The following ARB2A variants were observed in gnomAD, a reference collection of about 807,000 sequenced individuals.
ARB2A encodes cotranscriptional regulator ARB2A.
the ARB2A span, among the ~76,000 whole-genome samples, chr5:93,928,310 C>T: frequency 1.3e-5 from 2 of 152,216 alleles, no homozygotes; most frequent in Admixed American, 1.3e-4. Flanking sequence ...TATGAGTACC[C>T]TGAATGTCTA....
At chr5:93,990,864 G>C in the ARB2A span, among the ~76,000 whole-genome samples, 4 of 152,094 alleles carry the variant, frequency 2.6e-5, no homozygotes, top group Admixed American at 2.6e-4. Flanking sequence ...CTTTCTGCCT[G>C]AAGGCAGTAT....
chr5:93,679,513 A>T, the ARB2A span, among the ~76,000 whole-genome samples: 1 of 152,084 alleles, frequency 6.6e-6, no homozygotes, highest in East Asian at 1.9e-4. Context: ...GACAAAAATT[A>T]ATTTTTATTT....
chr5:93,906,311 G>A, the ARB2A span, among the ~76,000 whole-genome samples: 1 of 151,230 alleles, frequency 6.6e-6, no homozygotes, highest in Non-Finnish European at 1.5e-5. Context: ...AGCATAAAAA[G>A]GAGAGGCTAT....
chr5:93,744,826 G>A, the ARB2A span, among the ~76,000 whole-genome samples: 4 of 152,186 alleles, frequency 2.6e-5, no homozygotes, highest in Non-Finnish European at 5.9e-5. Context: ...CTCTTAGTAA[G>A]TGATTAGATT....
At chr5:93,741,143 C>A in the ARB2A span, 19 of 1,613,870 alleles carry the variant, frequency 1.2e-5, no homozygotes, top group Non-Finnish European at 1.6e-5. Context: ...TGCGAGTACC[C>A]TAGGCTCAAC....
chr5:93,919,732 T>C, the ARB2A span, among the ~76,000 whole-genome samples: 2 of 152,188 alleles, frequency 1.3e-5, no homozygotes, highest in South Asian at 2.1e-4. Context: ...AGATGACATA[T>C]ATAAATACTT....
the ARB2A span, among the ~76,000 whole-genome samples, chr5:94,097,809 C>T: frequency 6.6e-6 from 1 of 151,924 alleles, no homozygotes. Flanking sequence ...ATGCCCACAA[C>T]CTCCCTCCAC....
At chr5:93,765,270 C>T in the ARB2A span, among the ~76,000 whole-genome samples, 15 of 152,222 alleles carry the variant, frequency 9.9e-5, no homozygotes, top group South Asian at 8.3e-4. Context: ...TGTTTGCAGA[C>T]GACGTGATTG....
At chr5:94,047,808 G>C in the ARB2A span, among the ~76,000 whole-genome samples, 1 of 152,166 alleles carries the variant, frequency 6.6e-6, no homozygotes, top group Non-Finnish European at 1.5e-5. Context: ...GATGATGTTG[G>C]AGGATACATA....
the ARB2A span, among the ~76,000 whole-genome samples, chr5:93,693,175 T>C: frequency 6.6e-6 from 1 of 151,952 alleles, no homozygotes; most frequent in Admixed American, 6.6e-5. Context: ...ATTCAAAAGC[T>C]ACCAGAAGAC....
chr5:94,056,866 T>C, the ARB2A span, among the ~76,000 whole-genome samples: 15 of 152,222 alleles, frequency 9.9e-5, no homozygotes, highest in African/African-American at 3.6e-4. Flanking sequence ...AATATTATTC[T>C]GGGTGTGACT....
chr5:93,954,080 G>C, the ARB2A span, among the ~76,000 whole-genome samples: 1 of 152,156 alleles, frequency 6.6e-6, no homozygotes, highest in Non-Finnish European at 1.5e-5. Context: ...TCAAGGCCTA[G>C]AATCAAGGAC....
chr5:94,085,572 G>A, the ARB2A span, among the ~76,000 whole-genome samples: 13 of 152,176 alleles, frequency 8.5e-5, no homozygotes, highest in Non-Finnish European at 1.3e-4. Context: ...TAAAGCAAGC[G>A]GAAAGCTGAA....
At chr5:93,910,045 C>A in the ARB2A span, among the ~76,000 whole-genome samples, 1 of 150,976 alleles carries the variant, frequency 6.6e-6, no homozygotes, top group Non-Finnish European at 1.5e-5. Flanking sequence ...ATTGACATAG[C>A]TGTCTGCTAA....
At chr5:93,949,611 G>T in the ARB2A span, among the ~76,000 whole-genome samples, 3 of 151,808 alleles carry the variant, frequency 2.0e-5, no homozygotes, top group Admixed American at 6.6e-5. Flanking sequence ...GGTAAACGGG[G>T]TGTCCATCAC....
the ARB2A span, among the ~76,000 whole-genome samples, chr5:93,657,459 T>C: frequency 1.3e-5 from 2 of 152,206 alleles, no homozygotes; most frequent in Non-Finnish European, 2.9e-5. Context: ...AAAATGGTTA[T>C]GATAATTACA....
chr5:93,825,741 T>C, the ARB2A span, among the ~76,000 whole-genome samples: 1 of 152,122 alleles, frequency 6.6e-6, no homozygotes. Context: ...ACATTAGAAT[T>C]ATATAGCAGA....
the ARB2A span, among the ~76,000 whole-genome samples, chr5:94,076,675 T>G: frequency 4.6e-5 from 7 of 152,218 alleles, no homozygotes; most frequent in African/African-American, 1.4e-4. Context: ...CACCAGCAAC[T>G]TTTTATTACA....
At chr5:93,740,991 C>T in the ARB2A span, 1 of 1,613,866 alleles carries the variant, frequency 6.2e-7, no homozygotes, top group South Asian at 1.1e-5. Context: ...TCTCTGCTTC[C>T]ACTTCCTTCA....
Sources: allele counts gnomAD v4.1 joint callset (sites outside exome capture counted in the v4.1 genomes callset), GRCh38; gene constraint gnomAD v4.1.1; transcripts MANE v1.5; gene names NCBI Gene and HGNC (gene_info 2026-07-23, HGNC 2026-07-21).